Variants in GDA observed in about 807,000 individuals in gnomAD.
GDA encodes guanine deaminase, also known as cytoplasmic PSD-95 interactor.
Under a neutral mutation model 59.6 loss-of-function variants are expected in GDA, and 18 were observed. That is an observed-to-expected ratio of 0.30 (90% CI 0.21 to 0.45). The LOEUF (loss-of-function observed/expected upper bound fraction) is 0.45, where lower values mean the gene tolerates loss of function less well. Ranked by LOEUF, GDA falls within the 20% of genes least tolerant of loss-of-function variation. The pLI, the probability that GDA is intolerant of heterozygous loss-of-function variation, is 1.00. For missense variants in GDA, 427 were observed against 552.3 expected (o/e 0.77, Z 2.27); for synonymous variants, 201 against 201.1 (o/e 1.00, Z 0.00).
chr9:72,201,866 G>T (rs374397499), intron 2 of GDA, among the ~76,000 whole-genome samples: 19 of 152,250 alleles, frequency 1.2e-4, no homozygotes, highest in Non-Finnish European at 2.2e-4. Flanking sequence ...ATTAATTGGT[G>T]GATCATGGTG....
chr9:72,252,065 A>G lies in GDA; in HGVS notation c.*3723A>G, dbSNP rs987116946. The stretch of plus-strand genomic sequence containing the variant: ...CATTCTTTAGAGAAAACCACTTTAC[A>G]TTTGTTGTTAAACTCCTGATCGCTA... On this transcript the variant is annotated 3_prime_UTR_variant, in exon 14 of 14. Transcript: ENST00000358399. 6.6e-6 allele frequency: 1 copy of G among 152,556 alleles called. No homozygotes were observed. Among genetic ancestry groups the G allele is most frequent in the African/African-American group, 2.4e-5 (1 of 41,430 alleles). The allele number at this position is 152,556 out of a possible 1,614,324, so 9.5% of individuals were successfully genotyped here.
intron 10 of GDA, among the ~76,000 whole-genome samples, chr9:72,237,539 T>C (rs1047863711): frequency 2.0e-5 from 3 of 152,134 alleles, no homozygotes; most frequent in Non-Finnish European, 4.4e-5. Context: ...TCTTAGGAGG[T>C]GCCATCCACA....
rs1376010195 is a variant in GDA at position 72,250,622 on chromosome 9, G to A, written c.*2280G>A. 2 of 1,581,704 alleles carry A rather than the reference G, an allele frequency of 1.3e-6. No individual in the cohort carries two copies. Among genetic ancestry groups the A allele is most frequent in the Admixed American group, 1.8e-5 (1 of 55,016 alleles). On this transcript the variant is annotated 3_prime_UTR_variant, in exon 14 of 14. Transcript: ENST00000358399. ...ACCACAGGCATTATCTATACCTGGGGCCAGATTTTCTGCACTTTGAAATGT... is the reference window on the plus strand; with the variant it reads ...ACCACAGGCATTATCTATACCTGGGACCAGATTTTCTGCACTTTGAAATGT...
chr9:72,116,832 T>G (rs1484061479), intron 1 of GDA, among the ~76,000 whole-genome samples: 1 of 152,170 alleles, frequency 6.6e-6, no homozygotes, highest in Non-Finnish European at 1.5e-5. Flanking sequence ...ACGTGCAGGT[T>G]TGTTACATAT....
intron 1 of GDA, among the ~76,000 whole-genome samples, chr9:72,172,441 A>G (rs961755540): frequency 6.6e-6 from 1 of 152,206 alleles, no homozygotes; most frequent in Non-Finnish European, 1.5e-5. Context: ...AACTTGCCCA[A>G]GAATTTGCAG....
intron 1 of GDA, among the ~76,000 whole-genome samples, chr9:72,136,675 C>T (rs992629704): frequency 6.6e-6 from 1 of 152,056 alleles, no homozygotes; most frequent in African/African-American, 2.4e-5. Flanking sequence ...ACTTTTGGCT[C>T]ATTAAAATAT....
At chr9:72,257,464 T>C (rs184085625), downstream of GDA, 2 of 152,370 alleles carry the variant, frequency 1.3e-5, no homozygotes, top group African/African-American at 4.8e-5. Flanking sequence ...TCTTTTTAAA[T>C]GAATGATAAA....
At chr9:72,184,981 G>GA (rs1831684557) in intron 1 of GDA, among the ~76,000 whole-genome samples, 1 of 151,842 alleles carries the variant, frequency 6.6e-6, no homozygotes, top group Admixed American at 6.6e-5. Context: ...TAAAATGATT[G>GA]AAAAAAAGTG....
In GDA at chr9:72,126,449, C is replaced by T. The variant is rs184269442; in HGVS notation, c.-100+11616C>T. On this transcript the variant is annotated intron_variant, in intron 1 of 13. Coordinates refer to the GDA transcript ENST00000545168. ...CAGCCATGAACTGTAGTGATAGACACGTGGCATCTCAGCTTTAAATCTGAT... is the reference window on the plus strand; with the variant it reads ...CAGCCATGAACTGTAGTGATAGACATGTGGCATCTCAGCTTTAAATCTGAT... Among the ~76,000 whole-genome samples the T allele has an allele frequency of 1.6e-3, 245 of 152,110 alleles. 1 individual carries two copies. The highest frequency in any genetic ancestry group is 5.6e-3 in the African/African-American group (233 of 41,486).
chr9:72,205,764 A>G (rs542648293), intron 3 of GDA, among the ~76,000 whole-genome samples: 5 of 152,358 alleles, frequency 3.3e-5, no homozygotes, highest in African/African-American at 1.2e-4. Flanking sequence ...GTTAGGTTGC[A>G]GTTCCTTATA....
At chr9:72,233,842 T>C (rs1838651098) in intron 10 of GDA, among the ~76,000 whole-genome samples, 1 of 152,140 alleles carries the variant, frequency 6.6e-6, no homozygotes, top group Admixed American at 6.5e-5. Flanking sequence ...CTTGGGTGGC[T>C]GAGGCAGGAG....
chr9:72,220,850 G>A (rs921741853), intron 6 of GDA, among the ~76,000 whole-genome samples: 7 of 152,144 alleles, frequency 4.6e-5, no homozygotes, highest in African/African-American at 1.7e-4. Context: ...CTGCAGGCAT[G>A]CAGCAGGCAC....
chr9:72,237,522 A>C (rs907094722), intron 10 of GDA, among the ~76,000 whole-genome samples: 1 of 152,108 alleles, frequency 6.6e-6, no homozygotes, highest in African/African-American at 2.4e-5. Flanking sequence ...TTGACTTTAC[A>C]CATTCTTCTT....
intron 1 of GDA, among the ~76,000 whole-genome samples, chr9:72,154,163 T>G (rs1827604960): frequency 6.6e-6 from 1 of 152,110 alleles, no homozygotes; most frequent in African/African-American, 2.4e-5. Flanking sequence ...AGATTCATTT[T>G]GAGGTTGTGT....
chr9:72,219,265 T>C (rs1836537129), intron 5 of GDA, among the ~76,000 whole-genome samples: 1 of 151,818 alleles, frequency 6.6e-6, no homozygotes, highest in South Asian at 2.1e-4. Context: ...TAGCTGGACG[T>C]GGTGGCGGGT....
intron 7 of GDA, 93 bp from the exon 8 acceptor site, chr9:72,225,584 G>A (rs1319016376): frequency 1.5e-6 from 1 of 667,254 alleles, no homozygotes; most frequent in African/African-American, 1.8e-5. Flanking sequence ...AAATAGGCAA[G>A]TAGAAAACCA....
chr9:72,249,006 A>G lies in GDA; in HGVS notation c.*664A>G, dbSNP rs556458300. The G allele has an allele frequency of 1.0e-6, 1 of 985,380 alleles. No homozygotes were observed. The highest frequency in any genetic ancestry group is 4.7e-5 in the South Asian group (1 of 21,280). The allele number at this position is 985,380 out of a possible 1,614,324, so 61.0% of individuals were successfully genotyped here. On this transcript the variant is annotated 3_prime_UTR_variant, in exon 14 of 14. Transcript: ENST00000358399. The stretch of plus-strand genomic sequence containing the variant: ...CAGAAATTGAATGCCACATGCTTTC[A>G]TAATATAGTTTTGTGCTTCAAAGTG...
At chr9:72,237,688 G>A (rs969214027) in intron 10 of GDA, among the ~76,000 whole-genome samples, 3 of 152,058 alleles carry the variant, frequency 2.0e-5, no homozygotes, top group Non-Finnish European at 2.9e-5. Context: ...AGGAACCCCC[G>A]AACTTCATTC....
intron 3 of GDA, among the ~76,000 whole-genome samples, chr9:72,203,490 C>T (rs992790653): frequency 1.3e-5 from 2 of 152,188 alleles, no homozygotes; most frequent in East Asian, 3.9e-4. Context: ...AAGTGTCCTT[C>T]CTTCTCCTCT....
Sources: gnomAD v4.1 joint callset for allele counts (sites outside exome capture counted in the v4.1 genomes callset) on GRCh38, gnomAD v4.1.1 for gene constraint, MANE v1.5 for transcripts, NCBI Gene and HGNC (gene_info 2026-07-23, HGNC 2026-07-21) for gene names.